The following ABL2 variants were observed in gnomAD, a reference collection of about 807,000 sequenced individuals.
ABL2 encodes the protein tyrosine-protein kinase ABL2.
A neutral mutation model predicts 107.7 loss-of-function variants in ABL2; 49 were observed. The observed-to-expected ratio is 0.45, with a 90% CI of 0.36 to 0.58. The LOEUF is 0.58. ABL2 is among the 20% of genes least tolerant of loss of function. ABL2 has a pLI of 0.00. For synonymous variants in ABL2, 549 were observed against 548.6 expected, an observed-to-expected ratio of 1.00 and a Z score of -0.01; for missense variants, 1,245 against 1,457.0, an observed-to-expected ratio of 0.85 and a Z score of 2.37.
intron 1 of ABL2, among the ~76,000 whole-genome samples, chr1:179,147,195 A>AAC (rs1434645715): frequency 2.7e-5 from 4 of 150,082 alleles, no homozygotes; most frequent in Admixed American, 1.3e-4. Flanking sequence ...AAAAAAAAAA[A>AAC]AAAAAAAAAA....
In ABL2 at chr1:179,106,337, G is replaced by A. The variant is rs1479267857; in HGVS notation, c.*1381C>T. 1 of 230,524 alleles carries A rather than the reference G, an allele frequency of 4.3e-6. No individual in the cohort carries two copies. The highest frequency in any genetic ancestry group is 8.6e-6 in the Non-Finnish European group (1 of 116,514). The allele number at this position is 230,524 out of a possible 1,614,324, so 14.3% of individuals were successfully genotyped here. ...TTTTTCAAGGGCAAAACATATTTAA[G>A]GATTAAGTCATTAGGTTCCCAGGGT... is the stretch of plus-strand genomic sequence containing the variant. On this transcript the variant is annotated 3_prime_UTR_variant, in exon 12 of 12. Coordinates refer to ENST00000502732, the MANE Select transcript of ABL2 (RefSeq NM_007314.4).
chr1:179,206,952 A>G (rs1288465791), intron 1 of ABL2, among the ~76,000 whole-genome samples: 2 of 152,208 alleles, frequency 1.3e-5, no homozygotes, highest in Non-Finnish European at 2.9e-5. Context: ...AGATGTACAG[A>G]GCGAAAAAGA....
At chr1:179,167,581 C>A (rs1337742135) in intron 1 of ABL2, among the ~76,000 whole-genome samples, 1 of 152,106 alleles carries the variant, frequency 6.6e-6, no homozygotes, top group African/African-American at 2.4e-5. Context: ...GAAATGTTCC[C>A]AACACATAGA....
Position 179,216,832 on chromosome 1 carries a change from C to T in ABL2, c.157+12409G>A, listed in dbSNP as rs188575836. On this transcript the variant is annotated intron_variant, in intron 1 of 11. Coordinates refer to ENST00000502732, the MANE Select transcript of ABL2 (RefSeq NM_007314.4). Reference sequence around the variant, plus strand: ...CCGAGTAGCTGCAACTACAGGCGCACGCCACCATGCCCGGCTAATTTTTGT... The same window carrying T: ...CCGAGTAGCTGCAACTACAGGCGCATGCCACCATGCCCGGCTAATTTTTGT... Among the ~76,000 whole-genome samples the T allele has an allele frequency of 1.1e-4, 17 of 151,894 alleles. No individual in the cohort carries two copies. In the East Asian group the frequency reaches 2.9e-3, roughly 26 times the overall value.
chr1:179,180,305 G>A (rs996507001), intron 1 of ABL2, among the ~76,000 whole-genome samples: 1 of 152,096 alleles, frequency 6.6e-6, no homozygotes, highest in Non-Finnish European at 1.5e-5. Context: ...ACCTCACTCT[G>A]AAGATGGTAA....
At chr1:179,120,862 T>C (rs962367871) in intron 5 of ABL2, among the ~76,000 whole-genome samples, 3 of 152,204 alleles carry the variant, frequency 2.0e-5, no homozygotes, top group Non-Finnish European at 4.4e-5. Context: ...AGTTCTCTCA[T>C]AGTTTACTTC....
intron 1 of ABL2, among the ~76,000 whole-genome samples, chr1:179,213,805 G>A (rs1012672549): frequency 3.9e-5 from 6 of 152,046 alleles, no homozygotes; most frequent in Admixed American, 2.6e-4. Context: ...GAGTCCAGGC[G>A]TGGTGGCTCA....
chr1:179,196,786 C>CAA (rs71874448), intron 1 of ABL2, among the ~76,000 whole-genome samples: 2 of 133,920 alleles, frequency 1.5e-5, no homozygotes, highest in East Asian at 2.1e-4. Context: ...CAAAAAAAAA[C>CAA]AAAAAAAAAA....
chr1:179,111,706 C>T (rs1654093788), intron 10 of ABL2, among the ~76,000 whole-genome samples: 1 of 152,086 alleles, frequency 6.6e-6, no homozygotes, highest in Admixed American at 6.6e-5. Flanking sequence ...TGGATATCCT[C>T]GTTTACTAAG....
chr1:179,189,826 T>C (rs1331013027), intron 1 of ABL2, among the ~76,000 whole-genome samples: 2 of 151,744 alleles, frequency 1.3e-5, no homozygotes, highest in Non-Finnish European at 2.9e-5. Context: ...CCATTTTTTT[T>C]GTTTTTTTTT....
intron 1 of ABL2, among the ~76,000 whole-genome samples, chr1:179,160,022 G>A (rs1030817469): frequency 6.6e-6 from 1 of 152,154 alleles, no homozygotes; most frequent in Non-Finnish European, 1.5e-5. Context: ...GCTGAGGCAG[G>A]AGAATTGCTT....
Position 179,110,282 on chromosome 1 carries a change from C to A in ABL2, c.1825G>T (p.Gly609Trp), listed in dbSNP as rs773755836. 1.9e-6 allele frequency: 3 copies of A among 1,614,192 alleles called. No homozygotes were observed. The South Asian group carries it at 3.3e-5, about 18-fold the overall frequency. Residue 609 changes from glycine to tryptophan, a missense_variant and splice_region_variant, in exon 11 of 12, where the codon GGG becomes TGG. Coordinates refer to ENST00000502732, the MANE Select transcript of ABL2 (RefSeq NM_007314.4). ...ATTCTACCTGCTAAGGGACCCATAC[C>A]TGGTGCTAAACTGGAAGCAGAATTT... is the stretch of plus-strand genomic sequence containing the variant. ...TENSASSLAP[G>W]FIRGAQASSG... is the part of the protein sequence containing the mutation.
chr1:179,219,104 G>A (rs1377368227), intron 1 of ABL2, among the ~76,000 whole-genome samples: 2 of 152,032 alleles, frequency 1.3e-5, no homozygotes, highest in Non-Finnish European at 2.9e-5. Flanking sequence ...GTGCAGCGAC[G>A]TGATTATGGC....
chr1:179,199,158 A>G (rs1661509600), intron 1 of ABL2, among the ~76,000 whole-genome samples: 1 of 152,154 alleles, frequency 6.6e-6, no homozygotes, highest in African/African-American at 2.4e-5. Flanking sequence ...TCCCATTATT[A>G]TCTGGAAGCA....
In ABL2 at chr1:179,141,058, G is replaced by A. The variant is rs150832200; in HGVS notation, c.158-7684C>T. On this transcript the variant is annotated intron_variant, in intron 1 of 11. Coordinates refer to ENST00000502732, the MANE Select transcript of ABL2 (RefSeq NM_007314.4). ...TTGAACCCGGGAGGCAGAGGTTGCA[G>A]TGAACTGAGATCAGACTGCTGCACT... Among the ~76,000 whole-genome samples, 360 of 149,666 alleles carry A rather than the reference G, an allele frequency of 2.4e-3. 5 individuals carry two copies. The highest frequency in any genetic ancestry group is 8.6e-3 in the African/African-American group (350 of 40,510).
At chr1:179,153,457 C>T (rs1658489663) in intron 1 of ABL2, among the ~76,000 whole-genome samples, 1 of 152,140 alleles carries the variant, frequency 6.6e-6, no homozygotes, top group Non-Finnish European at 1.5e-5. Flanking sequence ...AGAATCCATT[C>T]CTTGCCCCTT....
At chr1:179,173,747 A>G (rs1021606899) in intron 1 of ABL2, among the ~76,000 whole-genome samples, 1 of 152,144 alleles carries the variant, frequency 6.6e-6, no homozygotes, top group Non-Finnish European at 1.5e-5. Context: ...ATCAAAAGAG[A>G]CTTAAGATAA....
chr1:179,137,911 A>C (rs1467286354), intron 1 of ABL2: 1 of 152,184 alleles, frequency 6.6e-6, no homozygotes, highest in African/African-American at 2.4e-5. Flanking sequence ...TTACATCCAC[A>C]GCAAGTTTAA....
At chr1:179,205,717 G>A (rs1436687746) in intron 1 of ABL2, among the ~76,000 whole-genome samples, 2 of 152,188 alleles carry the variant, frequency 1.3e-5, no homozygotes, top group Non-Finnish European at 2.9e-5. Context: ...ATTAGGGAGG[G>A]CGGGTAAGGG....
Sources: allele counts gnomAD v4.1 joint callset (sites outside exome capture counted in the v4.1 genomes callset), GRCh38; gene constraint gnomAD v4.1.1; transcripts MANE v1.5; gene names NCBI Gene and HGNC (gene_info 2026-07-23, HGNC 2026-07-21).